Variants in SHCBP1L observed in about 807,000 individuals in gnomAD.
SHCBP1L encodes the protein SHC binding and spindle associated 1 like.
Under a neutral mutation model 62.5 loss-of-function variants are expected in SHCBP1L, and 67 were observed. That is an observed-to-expected ratio of 1.07 (90% confidence interval 0.88 to 1.31). SHCBP1L has a LOEUF of 1.31. Among genes scored for constraint, SHCBP1L ranks in the 40% most tolerant of loss-of-function variants. SHCBP1L has a pLI of 0.00. For missense variants in SHCBP1L, 823 were observed against 809.8 expected (o/e 1.02, Z -0.20); for synonymous variants, 284 against 289.4 (o/e 0.98, Z 0.19).
chr1:182,942,457 G>A (rs1324750294), intron 2 of SHCBP1L: 5 of 674,554 alleles, frequency 7.4e-6, no homozygotes, highest in Non-Finnish European at 1.4e-5. Flanking sequence ...CGCGCCGAGA[G>A]CCTCCGCGAA....
chr1:182,901,303 C>A (rs1028528929), intron 9 of SHCBP1L, among the ~76,000 whole-genome samples: 1 of 151,976 alleles, frequency 6.6e-6, no homozygotes, highest in Non-Finnish European at 1.5e-5. Flanking sequence ...ACTAAAAATA[C>A]AAAATTAGCT....
At chr1:182,934,221 G>GA (rs1242126999) in intron 5 of SHCBP1L, among the ~76,000 whole-genome samples, 1 of 152,104 alleles carries the variant, frequency 6.6e-6, no homozygotes, top group Non-Finnish European at 1.5e-5. Flanking sequence ...TGCAACTGCT[G>GA]AGTCCTATGG....
Position 182,952,990 on chromosome 1 carries a change from C to T in SHCBP1L, c.144G>A (p.Arg48=). Residue 48 remains arginine, a synonymous_variant, in exon 1 of 10, where the codon CGG becomes CGA. Transcript: ENST00000367547. ...CCGGGCGAGGGGAGGCCACCACCGA[C>T]CGCACTGGGATCGCGGTGCCCTTCA... is the stretch of plus-strand genomic sequence containing the variant. ...TTLKGTAIPV[R]SVVASPRPVK... 6.5e-7 allele frequency: 1 copy of T among 1,543,680 alleles called. No homozygotes were observed. The highest frequency in any genetic ancestry group is 8.7e-7 in the Non-Finnish European group (1 of 1,147,998).
chr1:182,941,823 G>A (rs1267578429), intron 2 of SHCBP1L, among the ~76,000 whole-genome samples: 1 of 152,066 alleles, frequency 6.6e-6, no homozygotes, highest in Non-Finnish European at 1.5e-5. Context: ...CCCCACCTAT[G>A]GAATGTTAAG....
At chr1:182,912,519 T>C (rs1650220827) in intron 6 of SHCBP1L, among the ~76,000 whole-genome samples, 3 of 151,328 alleles carry the variant, frequency 2.0e-5, no homozygotes, top group Admixed American at 2.0e-4. Flanking sequence ...GTATCCTTTG[T>C]AATATCAATT....
At chr1:182,911,764 T>G (rs1225769395) in intron 6 of SHCBP1L, among the ~76,000 whole-genome samples, 2 of 151,912 alleles carry the variant, frequency 1.3e-5, no homozygotes, top group Non-Finnish European at 1.5e-5. Flanking sequence ...GCAGAAAAAA[T>G]AATCAGCAAT....
intron 9 of SHCBP1L, among the ~76,000 whole-genome samples, chr1:182,902,550 C>T (rs1473746167): frequency 6.6e-6 from 1 of 152,080 alleles, no homozygotes. Context: ...ATTAACTACA[C>T]AAGCCTAGAG....
chr1:182,904,249 T>C lies in SHCBP1L; in HGVS notation c.1518A>G (p.Glu506=), dbSNP rs1455679599. 2 of 1,614,052 alleles carry C rather than the reference T, an allele frequency of 1.2e-6. No individual in the cohort carries two copies. Among genetic ancestry groups the C allele is most frequent in the Non-Finnish European group, 1.7e-6 (2 of 1,180,022 alleles). The change falls in exon 8 of 10, where the codon GAA becomes GAG. Residue 506 remains glutamate, a synonymous_variant. Transcript: ENST00000367547. ...CTGTAAGAACACACACTCCTGTTCC[T>C]TCACATTTTAATATGCAGTTTTCTA... ...MTLENCILKC[E]GTGVCVLTGA... is the part of the protein sequence containing the mutation.
chr1:182,952,663 C>G lies in SHCBP1L; in HGVS notation c.405+66G>C, dbSNP rs1303090756. On this transcript the variant is annotated intron_variant, in intron 1 of 9. Coordinates refer to ENST00000367547, the MANE Select transcript of SHCBP1L (RefSeq NM_030933.4). ...TCCCCATCCGCCTAAGAGGGAAGCC[C>G]CAGATGCCTGTCCCCAGGTTCCGAC... The G allele has an allele frequency of 2.6e-6, 4 of 1,518,014 alleles. No individual in the cohort carries two copies. In the East Asian group the frequency reaches 7.1e-5, roughly 27 times the overall value. The allele number at this position is 1,518,014 out of a possible 1,614,324, so 94.0% of individuals were successfully genotyped here.
intron 6 of SHCBP1L, among the ~76,000 whole-genome samples, chr1:182,920,886 A>G (rs1460039600): frequency 6.6e-6 from 1 of 152,208 alleles, no homozygotes; most frequent in African/African-American, 2.4e-5. Flanking sequence ...GGGATTATGT[A>G]AAGAGACCAA....
Position 182,939,543 on chromosome 1 carries a change from C to A in SHCBP1L, c.781G>T (p.Asp261Tyr). Residue 261 changes from aspartate to tyrosine, a missense_variant, in exon 4 of 10, where the codon GAC (aspartate) becomes TAC (tyrosine). Transcript: ENST00000367547. ...TCATCCCAGTCTCTCCAAAGAAAGT[C>A]ATAAAAAAACCTACGATAAACCAAA... is the stretch of plus-strand genomic sequence containing the variant. ...LALEVVRFFY[D>Y]FLWRDWDDEE... 6.2e-7 allele frequency: 1 copy of A among 1,600,114 alleles called. No individual in the cohort carries two copies. The highest frequency in any genetic ancestry group is 2.2e-5 in the East Asian group (1 of 44,570).
chr1:182,944,445 G>A (rs1311224924), intron 2 of SHCBP1L: 4 of 150,824 alleles, frequency 2.7e-5, no homozygotes, highest in East Asian at 3.9e-4. Flanking sequence ...CTTAGCTTCC[G>A]AGATCAGACA....
chr1:182,904,045 T>C, intron 8 of SHCBP1L, 135 bp downstream of exon 8: 9 of 1,044,378 alleles, frequency 8.6e-6, no homozygotes, highest in Non-Finnish European at 1.2e-5. Flanking sequence ...ATTTTGTTGA[T>C]GTCTACCAGT....
At chr1:182,914,519 T>C (rs1404386669) in intron 6 of SHCBP1L, among the ~76,000 whole-genome samples, 1 of 152,218 alleles carries the variant, frequency 6.6e-6, no homozygotes. Flanking sequence ...GATGGAGCTG[T>C]ATGCTATTAA....
intron 7 of SHCBP1L, 125 bp downstream of exon 7, chr1:182,905,371 T>G: frequency 1.0e-6 from 1 of 994,362 alleles, no homozygotes; most frequent in East Asian, 2.8e-5. Flanking sequence ...AAAATGAACA[T>G]AAAGGATTTT....
At chr1:182,910,293 C>T (rs1443442047) in intron 6 of SHCBP1L, among the ~76,000 whole-genome samples, 1 of 152,184 alleles carries the variant, frequency 6.6e-6, no homozygotes. Flanking sequence ...TGCTTACCCA[C>T]CTACCATCCC....
chr1:182,948,868 T>A (rs1471998208), intron 2 of SHCBP1L, among the ~76,000 whole-genome samples: 1 of 152,180 alleles, frequency 6.6e-6, no homozygotes, highest in Non-Finnish European at 1.5e-5. Context: ...TGTGCAGCAC[T>A]ATCTTAAGAG....
chr1:182,926,040 G>A (rs914309779), intron 6 of SHCBP1L, among the ~76,000 whole-genome samples: 4 of 152,170 alleles, frequency 2.6e-5, no homozygotes, highest in Admixed American at 2.0e-4. Context: ...TGGTTGTCAG[G>A]AGGTGGGGGA....
intron 7 of SHCBP1L, among the ~76,000 whole-genome samples, chr1:182,904,730 T>C (rs1313558990): frequency 1.3e-5 from 2 of 151,760 alleles, no homozygotes; most frequent in Non-Finnish European, 2.9e-5. Context: ...TAACAAATAA[T>C]ATATAGTACA....
Sources: gnomAD v4.1 joint callset for allele counts (sites outside exome capture counted in the v4.1 genomes callset) on GRCh38, gnomAD v4.1.1 for gene constraint, MANE v1.5 for transcripts, NCBI Gene and HGNC (gene_info 2026-07-23, HGNC 2026-07-21) for gene names.